Variants in CFAP92 observed in about 807,000 individuals in gnomAD.
CFAP92 encodes uncharacterized protein CFAP92.
Under a neutral mutation model 106.3 loss-of-function variants are expected in CFAP92, and 86 were observed. That is an observed-to-expected ratio of 0.81 (90% CI 0.68 to 0.97). CFAP92 has a LOEUF of 0.97. Ranked by LOEUF, CFAP92 falls within the 50% of genes least tolerant of loss-of-function variation. The pLI is 0.00. For synonymous variants in CFAP92, 477 were observed against 506.4 expected (o/e 0.94, Z 0.78); for missense variants, 1,204 against 1,283.8 (o/e 0.94, Z 0.95).
At chr3:128,983,170 T>C (rs902875089) in intron 4 of CFAP92, among the ~76,000 whole-genome samples, 1 of 152,160 alleles carries the variant, frequency 6.6e-6, no homozygotes, top group Non-Finnish European at 1.5e-5. Flanking sequence ...CTGAAGAAGA[T>C]GAAGCAATGG....
chr3:128,977,765 A>C (rs1051532962), intron 5 of CFAP92, among the ~76,000 whole-genome samples: 3 of 152,218 alleles, frequency 2.0e-5, no homozygotes, highest in Admixed American at 6.5e-5. Context: ...AGGCTGAGGC[A>C]GGAGAATCAC....
At chr3:128,963,298 T>C (rs1559904237) in intron 9 of CFAP92, among the ~76,000 whole-genome samples, 1 of 152,136 alleles carries the variant, frequency 6.6e-6, no homozygotes, top group Non-Finnish European at 1.5e-5. Context: ...AGCCTTTCTG[T>C]CCAAACAACT....
chr3:129,005,320 G>A (rs781163548), upstream of CFAP92, among the ~76,000 whole-genome samples: 3 of 152,220 alleles, frequency 2.0e-5, no homozygotes, highest in South Asian at 4.1e-4. Flanking sequence ...GAGGAGAAGA[G>A]AGAACATTCC....
At chr3:128,994,997 C>T (rs1055723509), upstream of CFAP92, among the ~76,000 whole-genome samples, 4 of 152,146 alleles carry the variant, frequency 2.6e-5, no homozygotes, top group Non-Finnish European at 4.4e-5. Context: ...GGTACATAGC[C>T]CCACAGGGCA....
At chr3:128,991,820 C>T in intron 2 of CFAP92, 1 of 988,846 alleles carries the variant, frequency 1.0e-6, no homozygotes, top group Non-Finnish European at 1.2e-6. Flanking sequence ...AAGTTGAAAT[C>T]ATAATGGTGG....
At chr3:128,971,211 T>C (rs751186284) in intron 8 of CFAP92, 76 bp downstream of exon 8, 1 of 1,607,094 alleles carries the variant, frequency 6.2e-7, no homozygotes, top group Non-Finnish European at 8.5e-7. Context: ...AGGGTTGTCA[T>C]TAGGAGCATC....
At chr3:128,915,843 C>T (rs1936772045) in intron 13 of CFAP92, 4 of 474,948 alleles carry the variant, frequency 8.4e-6, no homozygotes, top group East Asian at 3.3e-5. Flanking sequence ...ATAAAGTGTT[C>T]CCCAGAGGTA....
chr3:128,979,384 G>A (rs1176856818), intron 4 of CFAP92, among the ~76,000 whole-genome samples: 2 of 152,340 alleles, frequency 1.3e-5, no homozygotes, highest in African/African-American at 4.8e-5. Flanking sequence ...GGAAGACAGT[G>A]TGGCGATTCC....
intron 1 of CFAP92, chr3:128,993,707 A>G (rs1251426942): frequency 9.8e-6 from 3 of 305,472 alleles, no homozygotes; most frequent in South Asian, 6.3e-5. Context: ...CCTAAGCACA[A>G]GATGCGTTTG....
chr3:128,993,056 G>C lies in CFAP92; in HGVS notation c.249C>G (p.Phe83Leu), dbSNP rs770501437. 5 of 1,614,066 alleles carry C rather than the reference G, an allele frequency of 3.1e-6. No individual in the cohort carries two copies. The South Asian group carries it at 5.5e-5, about 18-fold the overall frequency. The change falls in exon 2 of 16, where the codon TTC (phenylalanine) becomes TTG (leucine). Residue 83 changes from phenylalanine (F) to leucine (L), a missense_variant. By Grantham distance (22) the Phe-to-Leu change is conservative. Coordinates refer to ENST00000645291, the MANE Select transcript of CFAP92 (RefSeq NM_001394090.1). ...VPCKFTISLA[F>L]PVNMGQKGKY... ...TCTAGCACCTACCCATATTCACAGG[G>C]AAGGCCAGTGAGATGGTGAATTTGC...
chr3:128,990,560 A>C (rs1944149346), intron 2 of CFAP92, among the ~76,000 whole-genome samples: 1 of 152,204 alleles, frequency 6.6e-6, no homozygotes, highest in South Asian at 2.1e-4. Flanking sequence ...AATCATGTCA[A>C]AACATTTTAA....
chr3:128,945,644 G>A lies in CFAP92; in HGVS notation c.1685C>T (p.Pro562Leu). The A allele has an allele frequency of 6.5e-7, 1 of 1,536,132 alleles. No homozygotes were observed. The change falls in exon 10 of 16, where the codon CCT (proline) becomes CTT (leucine). Residue 562 changes from proline to leucine, a missense_variant. Physicochemically the swap from Pro to Leu is moderately conservative, Grantham distance 98. Coordinates refer to ENST00000645291, the MANE Select transcript of CFAP92 (RefSeq NM_001394090.1). ...PFESQNKMWY[P>L]YGIAQVSFAD... The stretch of plus-strand genomic sequence containing the variant: ...AAAACTGACCTGGGCGATGCCATAA[G>A]GGTACCACATCTTGTTCTGGGACTC...
At chr3:128,945,015 T>C (rs1940061281) in intron 10 of CFAP92, 56 bp downstream of exon 10, 1 of 1,407,586 alleles carries the variant, frequency 7.1e-7, no homozygotes, top group Non-Finnish European at 9.4e-7. Flanking sequence ...ACCTCTCCAC[T>C]CCCTCGGCAT....
chr3:128,912,596 A>G, intron 15 of CFAP92: 1 of 1,614,128 alleles, frequency 6.2e-7, no homozygotes, highest in Non-Finnish European at 8.5e-7. Flanking sequence ...CCCTCTGGAC[A>G]GGACATGCTG....
At chr3:129,004,064 C>T, upstream of CFAP92, 1 of 1,509,368 alleles carries the variant, frequency 6.6e-7, no homozygotes. Flanking sequence ...GGAGGCGGAG[C>T]TGCAACGCTA....
intron 9 of CFAP92, 94 bp from the exon 10 acceptor site, chr3:128,946,069 T>G (rs1262486027): frequency 2.3e-6 from 2 of 871,820 alleles, no homozygotes; most frequent in East Asian, 5.6e-5. Context: ...CCAGGCTCAT[T>G]GCCTGTCCCT....
At position 128,952,814 on chromosome 3, in the gene CFAP92, G is replaced by A. The variant is rs6781750; in HGVS notation, c.1354-6839C>T. ...AAAAGAAAGTAAATAGGCCGGGTGCGGTGGCTCACACCTGTAAATCCAGCA... is the reference window on the plus strand; with the variant it reads ...AAAAGAAAGTAAATAGGCCGGGTGCAGTGGCTCACACCTGTAAATCCAGCA... On this transcript the variant is annotated intron_variant, in intron 9 of 15. Transcript: ENST00000645291. 9.7e-3 allele frequency among the ~76,000 whole-genome samples: 1,474 copies of A among 152,160 alleles called. 13 individuals are homozygous for A. The highest frequency in any genetic ancestry group is 0.033 in the African/African-American group (1,386 of 41,494).
intron 9 of CFAP92, among the ~76,000 whole-genome samples, chr3:128,956,207 T>C (rs13324858): frequency 1.9e-5 from 1 of 53,220 alleles, no homozygotes; most frequent in Admixed American, 1.9e-4. Flanking sequence ...AAAAAAAAAA[T>C]AAAAAAATAA....
At chr3:129,003,267 C>T (rs1376315029), upstream of CFAP92, 1 of 985,408 alleles carries the variant, frequency 1.0e-6, no homozygotes, top group East Asian at 1.1e-4. Flanking sequence ...CCTGAACGGT[C>T]TTCCGGCATC....
Sources: allele counts gnomAD v4.1 joint callset (sites outside exome capture counted in the v4.1 genomes callset), GRCh38; gene constraint gnomAD v4.1.1; transcripts MANE v1.5; gene names NCBI Gene and HGNC (gene_info 2026-07-23, HGNC 2026-07-21).